Variants in DOCK9 observed in about 807,000 individuals in gnomAD.
DOCK9 encodes dedicator of cytokinesis protein 9.
A neutral mutation model predicts 263.3 loss-of-function variants in DOCK9; 89 were observed. That is an observed-to-expected ratio of 0.34 (90% CI 0.28 to 0.40). The LOEUF (loss-of-function observed/expected upper bound fraction) is 0.40, where lower values mean the gene tolerates loss of function less well. Among genes scored for constraint, DOCK9 ranks in the 10% least tolerant of loss-of-function variants. DOCK9 has a pLI of 1.00. For missense variants in DOCK9, 2,140 were observed against 2,603.4 expected (o/e 0.82, Z 3.87); for synonymous variants, 976 against 973.1 (o/e 1.00, Z -0.06).
At position 98,950,050 on chromosome 13, in the gene DOCK9, T is replaced by A. The variant is rs562983720; in HGVS notation, c.243+5385A>T. On this transcript the variant is annotated intron_variant, in intron 2 of 52. Transcript: ENST00000682017. ...GAAATCCCCAGTTCACATAAGGTTCTACTATAAGCAACATTTTAGGCTCTT... is the reference window on the plus strand; with the variant it reads ...GAAATCCCCAGTTCACATAAGGTTCAACTATAAGCAACATTTTAGGCTCTT... The A allele has an allele frequency of 3.0e-4, 138 of 460,794 alleles. 2 individuals carry two copies. Among genetic ancestry groups the A allele is most frequent in the African/African-American group, 2.5e-3 (127 of 50,430 alleles). The allele number at this position is 460,794 out of a possible 1,614,324, so 28.5% of individuals were successfully genotyped here.
At chr13:98,823,796 A>C (rs1163627193) in intron 45 of DOCK9, among the ~76,000 whole-genome samples, 1 of 152,256 alleles carries the variant, frequency 6.6e-6, no homozygotes, top group African/African-American at 2.4e-5. Context: ...CTGTTTTAGC[A>C]AGAAACTGGA....
At chr13:98,842,950 A>C (rs935635671) in intron 38 of DOCK9, among the ~76,000 whole-genome samples, 1 of 152,202 alleles carries the variant, frequency 6.6e-6, no homozygotes, top group African/African-American at 2.4e-5. Context: ...TTAAAGAGTA[A>C]AGACAGGTTC....
At chr13:98,803,218 A>G (rs540914472) in intron 49 of DOCK9, among the ~76,000 whole-genome samples, 214 of 152,332 alleles carry the variant, frequency 1.4e-3, no homozygotes, top group Non-Finnish European at 2.3e-3. Flanking sequence ...TCCCGCAGAT[A>G]CAGAGCATTG....
intron 1 of DOCK9, among the ~76,000 whole-genome samples, chr13:98,985,406 C>T (rs182297682): frequency 1.4e-4 from 22 of 152,150 alleles, no homozygotes; most frequent in Non-Finnish European, 2.4e-4. Flanking sequence ...CCTTCCCTAC[C>T]CGCAGGTAGA....
rs1474890814 is a variant in DOCK9 at position 98,824,518 on chromosome 13, A to T, written c.5024-14T>A. The T allele has an allele frequency of 6.2e-7, 1 of 1,611,478 alleles. No individual in the cohort carries two copies. The highest frequency in any genetic ancestry group is 1.3e-5 in the African/African-American group (1 of 74,844). On this transcript the variant is annotated splice_polypyrimidine_tract_variant and intron_variant, in intron 44 of 52. Coordinates refer to ENST00000682017, the MANE Select transcript of DOCK9 (RefSeq NM_001366683.2). ...GTCTAAACACGCCTAGGAAGAGAGG[A>T]AGGAGGGACAGTCAGAGTTAGGAAC... is the stretch of plus-strand genomic sequence containing the variant.
At position 98,922,089 on chromosome 13, in the gene DOCK9, T is replaced by C; in HGVS notation, c.544A>G (p.Lys182Glu). 6.2e-7 allele frequency: 1 copy of C among 1,602,406 alleles called. No homozygotes were observed. Among genetic ancestry groups the C allele is most frequent in the Non-Finnish European group, 8.5e-7 (1 of 1,175,026 alleles). Reference protein sequence around the residue: ...GGITKHGWLYKGNMNSAISVT... With the variant: ...GGITKHGWLYEGNMNSAISVT... ...CTGATGGCACTGTTCATGTTGCCTT[T>C]GTACAGCCAGCCATGCTTGGTGATC... is the stretch of plus-strand genomic sequence containing the variant. Residue 182 changes from lysine to glutamate, a missense_variant, in exon 6 of 53, where the codon AAA (lysine) becomes GAA (glutamate). By Grantham distance (56) the Lys-to-Glu change is moderately conservative. This residue lies in a region of DOCK9 where 1,521 missense variants were observed against 1,741.7 expected (regional missense o/e 0.87). Coordinates refer to ENST00000682017, the MANE Select transcript of DOCK9 (RefSeq NM_001366683.2).
chr13:98,957,888 C>T (rs1303412143), intron 1 of DOCK9, among the ~76,000 whole-genome samples: 3 of 152,190 alleles, frequency 2.0e-5, no homozygotes, highest in African/African-American at 7.2e-5. Context: ...TGCCCCATAA[C>T]CACAGGCCAG....
At chr13:99,042,542 C>T (rs1254576021) in intron 1 of DOCK9, among the ~76,000 whole-genome samples, 1 of 152,196 alleles carries the variant, frequency 6.6e-6, no homozygotes, top group Non-Finnish European at 1.5e-5. Flanking sequence ...CAATGACTGA[C>T]TTTAGTTTAG....
upstream of DOCK9, among the ~76,000 whole-genome samples, chr13:98,979,229 T>TAGCAGCAGCAGCAGC (rs1332460705): frequency 1.1e-3 from 133 of 125,076 alleles, 1 homozygote; most frequent in African/African-American, 4.2e-3. Context: ...GTAGTAGTAG[T>TAGCAGCAGCAGCAGC]AGCAGCAGCG....
At chr13:98,841,833 G>T (rs190560543) in intron 38 of DOCK9, among the ~76,000 whole-genome samples, 1 of 151,514 alleles carries the variant, frequency 6.6e-6, no homozygotes, top group African/African-American at 2.4e-5. Context: ...AGTAGAGACG[G>T]GGTTTCACCA....
At chr13:99,045,370 T>C (rs969171780) in intron 1 of DOCK9, among the ~76,000 whole-genome samples, 1 of 152,138 alleles carries the variant, frequency 6.6e-6, no homozygotes, top group Admixed American at 6.5e-5. Flanking sequence ...AACATGAACA[T>C]AGAGGACATC....
Position 98,880,446 on chromosome 13 carries a change from T to G in DOCK9, c.2871+101A>C. 2.7e-6 allele frequency: 4 copies of G among 1,496,340 alleles called. No individual in the cohort carries two copies. The South Asian group carries it at 4.9e-5, about 18-fold the overall frequency. 92.7% of individuals were successfully genotyped at this position (1,496,340 alleles called of 1,614,324 possible). A position where few individuals can be genotyped will look rare whatever the true frequency, so the allele number is the denominator to read the frequency against. ...CACTACCCCTTTTTAGGGAGTGGTG[T>G]TTGTCTCTAAGAGCACTCAGAAAGG... is the stretch of plus-strand genomic sequence containing the variant. On this transcript the variant is annotated intron_variant, in intron 26 of 52. Transcript: ENST00000682017.
At chr13:98,959,476 C>A (rs750576637) in intron 1 of DOCK9, 1 of 152,262 alleles carries the variant, frequency 6.6e-6, no homozygotes, top group African/African-American at 2.4e-5. Context: ...GGAAGCACTT[C>A]CGGGACACAT....
intron 18 of DOCK9, among the ~76,000 whole-genome samples, chr13:98,887,157 TTTTTTTTTTTG>T (rs1369340211): frequency 4.6e-3 from 172 of 37,130 alleles, no homozygotes; most frequent in African/African-American, 0.012. Flanking sequence ...TTTTTTTTTT[TTTTTTTTTTTG>T]CATCTTTGTC....
intron 45 of DOCK9, among the ~76,000 whole-genome samples, chr13:98,817,013 C>T (rs1158860515): frequency 6.6e-6 from 1 of 152,160 alleles, no homozygotes; most frequent in Non-Finnish European, 1.5e-5. Flanking sequence ...TGTAGACACA[C>T]ATCAACCACC....
chr13:99,085,852 A>AGGGATG (rs1566410857), intron 1 of DOCK9, among the ~76,000 whole-genome samples: 20 of 122,088 alleles, frequency 1.6e-4, no homozygotes, highest in African/African-American at 6.0e-4. Context: ...GGGGAGGGAT[A>AGGGATG]CGGGGGAGGG....
At chr13:98,805,344 C>T (rs774960425) in intron 48 of DOCK9, 135 bp from the exon 49 acceptor site, 48 of 762,076 alleles carry the variant, frequency 6.3e-5, no homozygotes, top group Non-Finnish European at 8.7e-5. Flanking sequence ...CACATATCCA[C>T]CACTTGGATC....
At chr13:98,816,734 G>A (rs1305708721) in intron 45 of DOCK9, among the ~76,000 whole-genome samples, 2 of 151,746 alleles carry the variant, frequency 1.3e-5, no homozygotes, top group African/African-American at 4.8e-5. Context: ...AAAGTGAAAG[G>A]TGGGGGTGGG....
chr13:98,989,380 A>G (rs1879283893), intron 1 of DOCK9, among the ~76,000 whole-genome samples: 1 of 70,014 alleles, frequency 1.4e-5, no homozygotes. Flanking sequence ...AATAATAATG[A>G]TAATACAGAT....
Sources: allele counts gnomAD v4.1 joint callset (sites outside exome capture counted in the v4.1 genomes callset), GRCh38; gene constraint gnomAD v4.1.1; regional missense constraint gnomAD v4.1.1; transcripts MANE v1.5; gene names NCBI Gene and HGNC (gene_info 2026-07-23, HGNC 2026-07-21).